USP42: variants seen among roughly 807,000 people sequenced by gnomAD.
USP42 encodes ubiquitin carboxyl-terminal hydrolase 42.
In USP42, 23 loss-of-function variants were observed where a neutral mutation model predicts 113.0. The observed-to-expected ratio is 0.20, with a 90% CI of 0.15 to 0.29. USP42 has a LOEUF of 0.29. USP42 is among the 10% of genes least tolerant of loss of function. The probability of loss-of-function intolerance (pLI) is 1.00; values close to 1 mark genes in which losing one functional copy is unlikely to be tolerated. For synonymous variants in USP42, 933 were observed against 699.0 expected (o/e 1.33, Z -5.28); for missense variants, 2,174 against 1,779.8 (o/e 1.22, Z -3.99).
intron 3 of USP42, among the ~76,000 whole-genome samples, chr7:6,128,934 C>CAAGTGG (rs1780689302): frequency 6.6e-6 from 1 of 152,152 alleles, no homozygotes; most frequent in Middle Eastern, 3.2e-3. Flanking sequence ...GATCCTCCTG[C>CAAGTGG]CTCAGCCCCG....
chr7:6,152,644 G>A (rs1782140067), intron 14 of USP42, among the ~76,000 whole-genome samples: 1 of 152,182 alleles, frequency 6.6e-6, no homozygotes. Context: ...TCGGCCAGGG[G>A]ACTCTGGCCT....
chr7:6,145,069 C>T (rs1215067628), intron 9 of USP42, among the ~76,000 whole-genome samples: 1 of 152,180 alleles, frequency 6.6e-6, no homozygotes, highest in African/African-American at 2.4e-5. Context: ...TGCAGTGGCT[C>T]ATGCCTATAA....
intron 3 of USP42, chr7:6,116,621 A>G (rs1005372495): frequency 8.0e-6 from 3 of 373,820 alleles, no homozygotes; most frequent in African/African-American, 6.6e-5. Flanking sequence ...GGTTCTTTTA[A>G]AACTGATTTT....
upstream of USP42, among the ~76,000 whole-genome samples, chr7:6,099,976 A>C (rs1399684701): frequency 7.0e-6 from 1 of 143,618 alleles, no homozygotes; most frequent in Non-Finnish European, 1.5e-5. Context: ...AAAAAAAAAA[A>C]ATTCTATTAC....
chr7:6,148,215 T>A (rs1781832049), intron 12 of USP42, among the ~76,000 whole-genome samples: 1 of 152,112 alleles, frequency 6.6e-6, no homozygotes, highest in Non-Finnish European at 1.5e-5. Flanking sequence ...GTGTGTGCTG[T>A]GGTCCCAGCT....
intron 2 of USP42, among the ~76,000 whole-genome samples, chr7:6,112,745 C>T (rs1301523190): frequency 6.6e-6 from 1 of 151,874 alleles, no homozygotes; most frequent in African/African-American, 2.4e-5. Flanking sequence ...TTTTTTTAAG[C>T]TCATTAGCTG....
At chr7:6,115,942 T>C (rs2128481479) in intron 3 of USP42, among the ~76,000 whole-genome samples, 1 of 151,714 alleles carries the variant, frequency 6.6e-6, no homozygotes, top group South Asian at 2.1e-4. Flanking sequence ...CTACTAAAAA[T>C]AAAAATAAAA....
rs528450165 is a variant in USP42, at chr7:6,159,859, C to T, written c.*36+366C>T. ...AGAGGCCCGGTCCCCAGCACAGGCA[C>T]CTCACTCAGGAGAGCGGAGCCTTGC... On this transcript the variant is annotated intron_variant, in intron 17 of 17. Transcript: ENST00000306177. The surrounding 1 kb of genome is among the most constrained non-coding windows in gnomAD (Gnocchi z 4.1). 1.3e-3 allele frequency among the ~76,000 whole-genome samples: 196 copies of T among 152,252 alleles called. No homozygotes were observed. Among genetic ancestry groups the T allele is most frequent in the Non-Finnish European group, 2.2e-3 (148 of 68,028 alleles).
At chr7:6,085,949 ACT>A in the USP42 span, among the ~76,000 whole-genome samples, 1 of 149,766 alleles carries the variant, frequency 6.7e-6, no homozygotes, top group East Asian at 2.0e-4. Context: ...CCCATAAGCC[ACT>A]CTTTGTAGGA....
At position 6,114,375 on chromosome 7, in the gene USP42, T is replaced by G. The variant is rs575761982; in HGVS notation, c.242-948T>G. On this transcript the variant is annotated intron_variant, in intron 2 of 17. Coordinates refer to ENST00000306177, the MANE Select transcript of USP42 (RefSeq NM_032172.3). ...TTCAAAGTGGATATAAAAGAGTAAT[T>G]ATAATGAACTCTCATGTAGCCGTCA... 4.1e-4 allele frequency among the ~76,000 whole-genome samples: 63 copies of G among 152,144 alleles called. 2 individuals carry two copies. In the South Asian group the frequency reaches 0.012, roughly 29 times the overall value.
At chr7:6,105,888 C>T (rs1441333610) in intron 1 of USP42, among the ~76,000 whole-genome samples, 1 of 152,160 alleles carries the variant, frequency 6.6e-6, no homozygotes, top group Non-Finnish European at 1.5e-5. Context: ...GCCGTGGGGT[C>T]ACTTGTTTAT....
At chr7:6,087,494 G>A in the USP42 span, among the ~76,000 whole-genome samples, 4 of 149,778 alleles carry the variant, frequency 2.7e-5, no homozygotes, top group Non-Finnish European at 4.4e-5. Context: ...ATGCCACTGC[G>A]CCTGTCTCAT....
chr7:6,099,211 C>CTTTTTTTTTTTTTT, the USP42 span, among the ~76,000 whole-genome samples: 2 of 98,802 alleles, frequency 2.0e-5, no homozygotes, highest in Admixed American at 1.2e-4. Context: ...TGTTCCCTCT[C>CTTTTTTTTTTTTTT]TTTTTTTTTT....
At chr7:6,144,290 A>T in intron 9 of USP42, 94 bp downstream of exon 9, 2 of 808,432 alleles carry the variant, frequency 2.5e-6, no homozygotes, top group Non-Finnish European at 3.8e-6. Context: ...CGACTTTCTC[A>T]TGACAAAATT....
At chr7:6,111,769 A>ATTTTTTTTTTT (rs375859355) in intron 2 of USP42, 1 of 139,004 alleles carries the variant, frequency 7.2e-6, no homozygotes, top group African/African-American at 2.8e-5. Flanking sequence ...AGCCCGGCTA[A>ATTTTTTTTTTT]TTTTTTTTTT....
At chr7:6,134,812 G>T (rs1194265928) in intron 3 of USP42, among the ~76,000 whole-genome samples, 2 of 152,090 alleles carry the variant, frequency 1.3e-5, no homozygotes, top group Non-Finnish European at 1.5e-5. Context: ...TTGAGACAGG[G>T]TCTCGCTCTG....
chr7:6,140,923 T>C lies in USP42; in HGVS notation c.734T>C (p.Leu245Ser). 6.5e-7 allele frequency: 1 copy of C among 1,549,132 alleles called. No homozygotes were observed. The highest frequency in any genetic ancestry group is 1.2e-5 in the South Asian group (1 of 82,326). ...TTTATTTTTATTTCAGTCAAATGTTTAAATTGCAAGGGCGTTTCAGATACT... is the reference window on the plus strand; with the variant it reads ...TTTATTTTTATTTCAGTCAAATGTTCAAATTGCAAGGGCGTTTCAGATACT... ...GGYLRSRVKC[L>S]NCKGVSDTFD... The change falls in exon 7 of 18, where the codon TTA (leucine) becomes TCA (serine). Residue 245 changes from leucine (L) to serine (S), a missense_variant. Physicochemically the swap from Leu to Ser is moderately radical, Grantham distance 145. Coordinates refer to ENST00000306177, the MANE Select transcript of USP42 (RefSeq NM_032172.3).
Position 6,154,961 on chromosome 7 carries a change from G to C in USP42, c.3407G>C (p.Arg1136Thr). ...APHPDRFSHD[R>T]TALVAGDNCN... ...CACCCCGACCGCTTCTCCCACGACA[G>C]AACTGCACTTGTAGCCGGAGACAAC... Residue 1136 changes from arginine (R) to threonine (T), a missense_variant, in exon 15 of 18, where the codon AGA becomes ACA. By Grantham distance (71) the Arg-to-Thr change is moderately conservative. Coordinates refer to ENST00000306177, the MANE Select transcript of USP42 (RefSeq NM_032172.3). 1 of 1,559,052 alleles carries C rather than the reference G, an allele frequency of 6.4e-7. No homozygotes were observed. The highest frequency in any genetic ancestry group is 8.7e-7 in the Non-Finnish European group (1 of 1,151,024).
the USP42 span, among the ~76,000 whole-genome samples, chr7:6,094,230 A>T: frequency 6.7e-6 from 1 of 149,888 alleles, no homozygotes; most frequent in African/African-American, 2.5e-5. Context: ...CTGGAGTGCC[A>T]TCGTGCCATA....
Sources: allele counts gnomAD v4.1 joint callset (sites outside exome capture counted in the v4.1 genomes callset), GRCh38; gene constraint gnomAD v4.1.1; non-coding constraint Gnocchi (gnomAD v3.1); transcripts MANE v1.5; gene names NCBI Gene and HGNC (gene_info 2026-07-23, HGNC 2026-07-21).